Variants in CPA6 observed in about 807,000 individuals in gnomAD.
CPA6 encodes carboxypeptidase B.
A neutral mutation model predicts 63.3 loss-of-function variants in CPA6; 58 were observed. That is an observed-to-expected ratio of 0.92 (90% confidence interval 0.74 to 1.14). The LOEUF (loss-of-function observed/expected upper bound fraction) is 1.14. Among genes scored for constraint, CPA6 ranks in the 50% most tolerant of loss-of-function variants. CPA6 has a pLI of 0.00. For missense variants in CPA6, 565 were observed against 526.6 expected (o/e 1.07, Z -0.71); for synonymous variants, 185 against 179.0 (o/e 1.03, Z -0.27).
At chr8:67,602,854 A>C (rs1466202802) in intron 2 of CPA6, among the ~76,000 whole-genome samples, 1 of 152,204 alleles carries the variant, frequency 6.6e-6, no homozygotes, top group African/African-American at 2.4e-5. Flanking sequence ...GTCATTTCTG[A>C]ACCTGCTTGG....
intron 9 of CPA6, among the ~76,000 whole-genome samples, chr8:67,433,234 T>C (rs1810067522): frequency 6.6e-6 from 1 of 152,164 alleles, no homozygotes; most frequent in African/African-American, 2.4e-5. Flanking sequence ...CCCAATTTCC[T>C]CCCAATCACT....
chr8:67,651,706 T>C (rs1033702467), intron 1 of CPA6, among the ~76,000 whole-genome samples: 4 of 152,136 alleles, frequency 2.6e-5, no homozygotes, highest in Admixed American at 2.0e-4. Flanking sequence ...CATAATTTAG[T>C]AGAGAATAGC....
intron 1 of CPA6, among the ~76,000 whole-genome samples, chr8:67,624,567 A>T (rs757006337): frequency 2.0e-5 from 3 of 152,278 alleles, no homozygotes; most frequent in Non-Finnish European, 4.4e-5. Flanking sequence ...CTCAGAGCAG[A>T]TACCAAGAAG....
intron 2 of CPA6, among the ~76,000 whole-genome samples, chr8:67,585,537 G>T (rs543329353): frequency 1.3e-5 from 2 of 152,222 alleles, no homozygotes; most frequent in South Asian, 4.2e-4. Flanking sequence ...CGGTAGATAA[G>T]AAATTGAAGG....
At chr8:67,608,395 G>A (rs748931599) in intron 2 of CPA6, among the ~76,000 whole-genome samples, 7 of 152,168 alleles carry the variant, frequency 4.6e-5, no homozygotes, top group Non-Finnish European at 1.0e-4. Context: ...AGAGGAGTTC[G>A]ACTGGGGAAT....
chr8:67,706,891 T>C (rs1474025617), intron 1 of CPA6, among the ~76,000 whole-genome samples: 2 of 152,218 alleles, frequency 1.3e-5, no homozygotes, highest in African/African-American at 4.8e-5. Flanking sequence ...TTGGTTTTCT[T>C]TGCACTGTAT....
chr8:67,459,420 G>C (rs1159306681), intron 8 of CPA6, among the ~76,000 whole-genome samples: 2 of 152,214 alleles, frequency 1.3e-5, no homozygotes, highest in African/African-American at 4.8e-5. Context: ...AGGGAATGGA[G>C]TATTATTCAG....
chr8:67,674,789 GGATTA>G (rs1816432182), intron 1 of CPA6, among the ~76,000 whole-genome samples: 1 of 152,100 alleles, frequency 6.6e-6, no homozygotes, highest in Admixed American at 6.5e-5. Context: ...CATCAATGAT[GGATTA>G]GATAAAGAAA....
At chr8:67,731,696 C>G (rs1228455235) in intron 1 of CPA6, among the ~76,000 whole-genome samples, 1 of 152,202 alleles carries the variant, frequency 6.6e-6, no homozygotes, top group Non-Finnish European at 1.5e-5. Context: ...TTTGTATGGG[C>G]ATCTGAGTAG....
At chr8:67,510,825 C>A (rs1388998623) in intron 4 of CPA6, among the ~76,000 whole-genome samples, 2 of 152,122 alleles carry the variant, frequency 1.3e-5, no homozygotes, top group African/African-American at 2.4e-5. Flanking sequence ...GAACTTGTAG[C>A]TTATTAGAGG....
At chr8:67,447,037 CAT>C (rs200700013) in intron 8 of CPA6, among the ~76,000 whole-genome samples, 46 of 123,042 alleles carry the variant, frequency 3.7e-4, no homozygotes, top group Non-Finnish European at 5.0e-4. Flanking sequence ...TATATACACA[CAT>C]ATATATATAC....
chr8:67,509,206 C>G (rs1289517183), intron 5 of CPA6, among the ~76,000 whole-genome samples: 2 of 152,186 alleles, frequency 1.3e-5, no homozygotes, highest in Non-Finnish European at 2.9e-5. Context: ...TGGGTGGGGA[C>G]ACAGACCCAA....
intron 1 of CPA6, among the ~76,000 whole-genome samples, chr8:67,634,924 G>T (rs1331416924): frequency 1.3e-5 from 2 of 151,394 alleles, no homozygotes; most frequent in African/African-American, 4.9e-5. Context: ...GTCTCACTCT[G>T]TTGCCCAGGC....
intron 1 of CPA6, among the ~76,000 whole-genome samples, chr8:67,628,759 C>T (rs1040975721): frequency 6.6e-6 from 1 of 152,146 alleles, no homozygotes; most frequent in African/African-American, 2.4e-5. Context: ...CTAACAGAAC[C>T]GATTTTACCA....
rs200276914 is a variant in CPA6, at chr8:67,444,771, C to CAA, written c.839-10533_839-10532dup. Among the ~76,000 whole-genome samples, 291 of 94,272 alleles carry CAA rather than the reference C, an allele frequency of 3.1e-3. 1 individual carries two copies. The highest frequency in any genetic ancestry group is 3.8e-3 in the Non-Finnish European group (169 of 44,850). 61.8% of individuals were successfully genotyped at this position (94,272 alleles called of 152,430 possible). A position where few individuals can be genotyped will look rare whatever the true frequency, so the allele number is the denominator to read the frequency against. ...TGGGCAACAGAGCGAGACTCTGTCT[C>CAA]AAAAAAAAAAAAAAAAGTAAAATCA... On this transcript the variant is annotated intron_variant, in intron 8 of 10. Coordinates refer to ENST00000297770, the MANE Select transcript of CPA6 (RefSeq NM_020361.5).
At chr8:67,489,891 A>G (rs1380561534) in intron 6 of CPA6, among the ~76,000 whole-genome samples, 2 of 152,206 alleles carry the variant, frequency 1.3e-5, no homozygotes, top group East Asian at 1.9e-4. Context: ...TCTAAATAAT[A>G]TATTAATCAA....
chr8:67,466,084 G>GC (rs960916981), intron 8 of CPA6, among the ~76,000 whole-genome samples: 1 of 96,098 alleles, frequency 1.0e-5, no homozygotes, highest in African/African-American at 3.7e-5. Flanking sequence ...TCTGAGGCTT[G>GC]TTTTTTTTTT....
At chr8:67,676,513 C>G (rs1227726802) in intron 1 of CPA6, among the ~76,000 whole-genome samples, 1 of 152,208 alleles carries the variant, frequency 6.6e-6, no homozygotes, top group Non-Finnish European at 1.5e-5. Context: ...TTGTGTCAGA[C>G]CACTCTGTTT....
At chr8:67,518,095 A>C (rs566547108) in intron 2 of CPA6, 48 bp from the exon 3 acceptor site, 1 of 1,480,446 alleles carries the variant, frequency 6.8e-7, no homozygotes. Flanking sequence ...GTAGGGGGGG[A>C]AAATCTGTGT....
Sources: allele counts gnomAD v4.1 joint callset (sites outside exome capture counted in the v4.1 genomes callset), GRCh38; gene constraint gnomAD v4.1.1; transcripts MANE v1.5; gene names NCBI Gene and HGNC (gene_info 2026-07-23, HGNC 2026-07-21).